Variants in CEP128 observed in about 807,000 individuals in gnomAD.
CEP128 encodes centrosomal protein 128kDa.
In CEP128, 132 loss-of-function variants were observed where a neutral mutation model predicts 156.7. That is an observed-to-expected ratio of 0.84 (90% confidence interval 0.73 to 0.97). The LOEUF (loss-of-function observed/expected upper bound fraction) is 0.97, where lower values mean the gene tolerates loss of function less well. Ranked by LOEUF, CEP128 falls within the 50% of genes least tolerant of loss-of-function variation. The pLI, the probability that CEP128 is intolerant of heterozygous loss-of-function variation, is 0.00. For missense variants in CEP128, 1,252 were observed against 1,281.9 expected, an observed-to-expected ratio of 0.98 and a Z score of 0.36; for synonymous variants, 469 against 448.9, an observed-to-expected ratio of 1.04 and a Z score of -0.57.
At chr14:80,572,208 AGT>A (rs1891168312) in intron 20 of CEP128, among the ~76,000 whole-genome samples, 1 of 152,202 alleles carries the variant, frequency 6.6e-6, no homozygotes, top group Admixed American at 6.5e-5. Context: ...AATCCTCTGC[AGT>A]GTTTCTGTAT....
At chr14:80,762,635 C>T (rs1012107431) in intron 16 of CEP128, among the ~76,000 whole-genome samples, 10 of 152,088 alleles carry the variant, frequency 6.6e-5, no homozygotes, top group African/African-American at 9.7e-5. Flanking sequence ...AAAGACAGAC[C>T]CTTTCATAAT....
chr14:80,782,287 C>T (rs940403389), intron 15 of CEP128, among the ~76,000 whole-genome samples: 2 of 152,198 alleles, frequency 1.3e-5, no homozygotes, highest in Admixed American at 6.5e-5. Flanking sequence ...TCACCAACAT[C>T]GCACAACAGC....
At chr14:80,762,724 T>A (rs1488855154) in intron 16 of CEP128, among the ~76,000 whole-genome samples, 1 of 152,186 alleles carries the variant, frequency 6.6e-6, no homozygotes, top group Non-Finnish European at 1.5e-5. Flanking sequence ...GCATCTTAAA[T>A]CTGCCTACAT....
intron 19 of CEP128, among the ~76,000 whole-genome samples, chr14:80,685,606 A>C (rs1896494508): frequency 6.6e-6 from 1 of 151,962 alleles, no homozygotes; most frequent in Admixed American, 6.6e-5. Context: ...AATATAAAAA[A>C]AATTCTAAAA....
At chr14:80,482,490 A>C (rs7143237) in intron 14 of CEP128, among the ~76,000 whole-genome samples, 74,140 of 152,034 alleles carry the variant, frequency 0.49, 19,073 homozygotes, top group East Asian at 0.69. Flanking sequence ...GAAGCTTAGA[A>C]TCAATAGCAC....
intron 19 of CEP128, among the ~76,000 whole-genome samples, chr14:80,599,427 C>T (rs1892488361): frequency 6.6e-6 from 1 of 151,864 alleles, no homozygotes; most frequent in Admixed American, 6.6e-5. Context: ...CACCCGCCAC[C>T]ACGCCCGGCT....
At chr14:80,535,947 T>C (rs1335203109) in intron 21 of CEP128, among the ~76,000 whole-genome samples, 3 of 152,224 alleles carry the variant, frequency 2.0e-5, no homozygotes, top group African/African-American at 7.2e-5. Flanking sequence ...AAATCTTGTC[T>C]AATAGGCCCT....
chr14:80,756,372 T>C (rs1899659339), intron 18 of CEP128, among the ~76,000 whole-genome samples: 1 of 152,172 alleles, frequency 6.6e-6, no homozygotes, highest in African/African-American at 2.4e-5. Context: ...ACTTTATCTT[T>C]CCATCACCTC....
chr14:80,654,060 A>G (rs1895027928), intron 19 of CEP128, among the ~76,000 whole-genome samples: 1 of 152,160 alleles, frequency 6.6e-6, no homozygotes, highest in Non-Finnish European at 1.5e-5. Context: ...CCTGCTTTAT[A>G]GAACATGAAT....
At chr14:80,613,841 T>C (rs1033287671) in intron 19 of CEP128, among the ~76,000 whole-genome samples, 1 of 152,024 alleles carries the variant, frequency 6.6e-6, no homozygotes, top group Non-Finnish European at 1.5e-5. Context: ...CAAATAGGGC[T>C]TTCAGGAAAC....
chr14:80,914,387 GT>G lies in CEP128; in HGVS notation c.168del (p.Gln57LysfsTer20). 3.7e-6 allele frequency: 6 copies of G among 1,613,698 alleles called. No homozygotes were observed. The highest frequency in any genetic ancestry group is 5.1e-6 in the Non-Finnish European group (6 of 1,179,724). On this transcript the variant is annotated frameshift_variant, in exon 4 of 25. Transcript: ENST00000555265. LOFTEE classifies it high-confidence loss of function. Reference sequence around the variant, plus strand: ...TATCGTCCAAGCATCTGGTCCACTTGTCGCAGGTTCCGACTGGTATCCTTGA... The same window carrying G: ...TATCGTCCAAGCATCTGGTCCACTTGCGCAGGTTCCGACTGGTATCCTTGA... ...STLQDTSRNL[R>X]QVDQMLGRYR...
At chr14:80,604,371 T>C (rs1209790668) in intron 19 of CEP128, among the ~76,000 whole-genome samples, 1 of 152,142 alleles carries the variant, frequency 6.6e-6, no homozygotes, top group African/African-American at 2.4e-5. Flanking sequence ...ATATCCTCGA[T>C]GGATATGGGA....
chr14:80,696,657 T>A (rs886988901), intron 19 of CEP128, among the ~76,000 whole-genome samples: 1 of 152,158 alleles, frequency 6.6e-6, no homozygotes, highest in African/African-American at 2.4e-5. Context: ...AAAAGTGACC[T>A]TTGTATTTGA....
intron 8 of CEP128, among the ~76,000 whole-genome samples, chr14:80,868,648 T>A (rs939379196): frequency 6.6e-5 from 10 of 152,060 alleles, no homozygotes; most frequent in African/African-American, 2.4e-4. Flanking sequence ...TTCCTACCTA[T>A]AAATAAATGT....
chr14:80,817,792 A>G (rs1230566609), intron 13 of CEP128, among the ~76,000 whole-genome samples: 3 of 152,002 alleles, frequency 2.0e-5, no homozygotes, highest in Non-Finnish European at 2.9e-5. Context: ...GAGACAGGGG[A>G]ATCACTTGAA....
chr14:80,518,451 G>A (rs1419483050), intron 23 of CEP128, among the ~76,000 whole-genome samples: 1 of 152,002 alleles, frequency 6.6e-6, no homozygotes, highest in Non-Finnish European at 1.5e-5. Flanking sequence ...AGCTGTTGTT[G>A]GGGAAGTATT....
At chr14:80,748,650 C>A (rs1024866617) in intron 18 of CEP128, among the ~76,000 whole-genome samples, 2 of 152,068 alleles carry the variant, frequency 1.3e-5, no homozygotes, top group African/African-American at 4.8e-5. Context: ...ACGTATAACC[C>A]ATAATAGCCA....
At chr14:80,729,058 G>GGGGTGTGTGTGTGTGTGTGTGTGTGT (rs1898141728) in intron 19 of CEP128, among the ~76,000 whole-genome samples, 4 of 105,024 alleles carry the variant, frequency 3.8e-5, no homozygotes, top group Non-Finnish European at 5.3e-5. Flanking sequence ...GGCTGGTGGG[G>GGGGTGTGTGTGTGTGTGTGTGTGTGT]GTGTGTGTGT....
intron 17 of CEP128, among the ~76,000 whole-genome samples, chr14:80,759,916 GT>G (rs1899874335): frequency 2.9e-5 from 2 of 69,534 alleles, no homozygotes; most frequent in Non-Finnish European, 4.5e-5. Context: ...AGGTGTGTGT[GT>G]GTGTGTGTGT....
Sources: gnomAD v4.1 joint callset for allele counts (sites outside exome capture counted in the v4.1 genomes callset) on GRCh38, gnomAD v4.1.1 for gene constraint, MANE v1.5 for transcripts, NCBI Gene and HGNC (gene_info 2026-07-23, HGNC 2026-07-21) for gene names.